CCDC150: variants seen among roughly 807,000 people sequenced by gnomAD.
CCDC150 encodes the protein coiled-coil domain containing 150.
Under a neutral mutation model 156.5 loss-of-function variants are expected in CCDC150, and 151 were observed. The observed-to-expected ratio is 0.97, with a 90% confidence interval of 0.85 to 1.10. The LOEUF (loss-of-function observed/expected upper bound fraction) is 1.10. Among genes scored for constraint, CCDC150 ranks in the 50% least tolerant of loss-of-function variants. The probability of loss-of-function intolerance (pLI) is 0.00; values close to 1 mark genes in which losing one functional copy is unlikely to be tolerated. For missense variants in CCDC150, 1,312 were observed against 1,268.1 expected, an observed-to-expected ratio of 1.03 and a Z score of -0.53; for synonymous variants, 452 against 429.4, an observed-to-expected ratio of 1.05 and a Z score of -0.65.
chr2:196,705,956 C>T (rs1327828811), intron 15 of CCDC150, among the ~76,000 whole-genome samples: 2 of 152,126 alleles, frequency 1.3e-5, no homozygotes, highest in Admixed American at 1.3e-4. Flanking sequence ...TTACTGCAGC[C>T]TTATAGTATA....
At position 196,639,784 on chromosome 2, in the gene CCDC150, G is replaced by A. The variant is rs780514576; in HGVS notation, c.12+6G>A. 6.3e-7 allele frequency: 1 copy of A among 1,578,776 alleles called. No homozygotes were observed. Among genetic ancestry groups the A allele is most frequent in the Non-Finnish European group, 8.6e-7 (1 of 1,158,646 alleles). On this transcript the variant is annotated splice_donor_region_variant and intron_variant, in intron 1 of 27. Coordinates refer to ENST00000389175, the MANE Select transcript of CCDC150 (RefSeq NM_001080539.2). ...GCGGACAGATGGACTGTAAGGTGAG[G>A]CTGCCGGGCCCCGGGCTGGTGAGGG...
intron 5 of CCDC150, among the ~76,000 whole-genome samples, chr2:196,659,837 G>A (rs575437964): frequency 6.6e-6 from 1 of 152,268 alleles, no homozygotes; most frequent in East Asian, 1.9e-4. Context: ...CCATCATTTA[G>A]TGAAATATGT....
intron 15 of CCDC150, among the ~76,000 whole-genome samples, chr2:196,703,554 T>G (rs1371402106): frequency 3.3e-5 from 5 of 152,196 alleles, no homozygotes; most frequent in Non-Finnish European, 5.9e-5. Context: ...CATTACAGGC[T>G]GGGTATATAC....
intron 15 of CCDC150, among the ~76,000 whole-genome samples, chr2:196,702,178 G>T (rs1055149331): frequency 6.6e-6 from 1 of 152,168 alleles, no homozygotes; most frequent in Non-Finnish European, 1.5e-5. Flanking sequence ...GAGTCCAGGA[G>T]TTGGAGGCTA....
At chr2:196,694,156 G>A (rs143454237) in intron 13 of CCDC150, among the ~76,000 whole-genome samples, 1,794 of 149,326 alleles carry the variant, frequency 0.012, 39 homozygotes, top group African/African-American at 0.042. Context: ...TCCCTGGTTC[G>A]AGCAGTTCTC....
chr2:196,691,873 G>A (rs1223034092), intron 13 of CCDC150, among the ~76,000 whole-genome samples: 3 of 152,034 alleles, frequency 2.0e-5, no homozygotes, highest in Non-Finnish European at 2.9e-5. Flanking sequence ...CCTGGGAGTC[G>A]GAGGTTGTAG....
At chr2:196,653,609 T>C (rs1003613030) in intron 2 of CCDC150, among the ~76,000 whole-genome samples, 2 of 152,222 alleles carry the variant, frequency 1.3e-5, no homozygotes, top group African/African-American at 4.8e-5. Context: ...CCTCTGTCTA[T>C]ATTTCTGTCA....
intron 15 of CCDC150, among the ~76,000 whole-genome samples, chr2:196,702,109 G>A (rs1482012668): frequency 3.9e-5 from 6 of 152,086 alleles, no homozygotes; most frequent in South Asian, 2.1e-4. Context: ...GATGGCAAGC[G>A]CCTGTAATCC....
At chr2:196,668,162 G>C (rs1693963366) in intron 7 of CCDC150, among the ~76,000 whole-genome samples, 1 of 152,052 alleles carries the variant, frequency 6.6e-6, no homozygotes, top group Non-Finnish European at 1.5e-5. Context: ...GCCAAGTGTG[G>C]TGGCACGCGC....
intron 15 of CCDC150, among the ~76,000 whole-genome samples, chr2:196,711,475 T>TTG (rs896538720): frequency 2.0e-5 from 3 of 152,156 alleles, no homozygotes; most frequent in African/African-American, 7.2e-5. Context: ...ACGTTAATTG[T>TTG]TGTGTGTGAA....
intron 22 of CCDC150, among the ~76,000 whole-genome samples, chr2:196,728,441 C>T (rs919524937): frequency 6.6e-6 from 1 of 152,170 alleles, no homozygotes; most frequent in African/African-American, 2.4e-5. Context: ...AGAATACCAC[C>T]TTCCTGTCTT....
intron 27 of CCDC150, 134 bp downstream of exon 27, chr2:196,732,286 CAATT>C (rs2125724816): frequency 8.4e-7 from 1 of 1,196,310 alleles, no homozygotes; most frequent in Non-Finnish European, 1.2e-6. Context: ...GCTAGGAAAC[CAATT>C]AATTTCTTTT....
rs374966780 is a variant in CCDC150, at chr2:196,718,622, A to G, written c.1986A>G (p.Glu662=). The change falls in exon 18 of 28, where the codon GAA becomes GAG. Residue 662 remains glutamate (E), a synonymous_variant. Transcript: ENST00000389175. ...ACCTCGAGGCTGTGGAGGACAGGGA[A>G]AACAAGAAGGCAAGGAATCAGTCCC... ...KEDLEAVEDR[E]NKKVGNFQRQ... 9 of 1,613,158 alleles carry G rather than the reference A, an allele frequency of 5.6e-6. No individual in the cohort carries two copies. In the African/African-American group the frequency reaches 1.2e-4, roughly 22 times the overall value.
At chr2:196,692,283 C>T (rs537986743) in intron 13 of CCDC150, among the ~76,000 whole-genome samples, 20 of 150,816 alleles carry the variant, frequency 1.3e-4, no homozygotes, top group Admixed American at 2.6e-4. Context: ...TACAGGCGCC[C>T]GCCACCGCGC....
At chr2:196,693,280 CAT>C (rs1202694135) in intron 13 of CCDC150, among the ~76,000 whole-genome samples, 1 of 152,188 alleles carries the variant, frequency 6.6e-6, no homozygotes, top group Non-Finnish European at 1.5e-5. Flanking sequence ...TTATGCAACA[CAT>C]GTCGGTAAAT....
At chr2:196,654,601 T>A (rs1374969535) in intron 2 of CCDC150, among the ~76,000 whole-genome samples, 1 of 152,206 alleles carries the variant, frequency 6.6e-6, no homozygotes, top group African/African-American at 2.4e-5. Context: ...GGTACTTTTT[T>A]ATACTTTCTT....
chr2:196,716,504 G>A (rs1697511373), intron 17 of CCDC150, among the ~76,000 whole-genome samples: 1 of 152,092 alleles, frequency 6.6e-6, no homozygotes. Flanking sequence ...AAAAAAGAGT[G>A]CATACAATAC....
chr2:196,681,486 T>C (rs1694817364), intron 13 of CCDC150, among the ~76,000 whole-genome samples: 1 of 152,194 alleles, frequency 6.6e-6, no homozygotes, highest in African/African-American at 2.4e-5. Context: ...CTTTGTGATA[T>C]ATATATCTAA....
chr2:196,668,295 TAAAAAAAAAAAAA>T (rs55945331), intron 7 of CCDC150, among the ~76,000 whole-genome samples: 2 of 92,256 alleles, frequency 2.2e-5, no homozygotes, highest in African/African-American at 3.9e-5. Context: ...AAACTCCATC[TAAAAAAAAAAAAA>T]AAAAAAAAAA....
Sources: allele counts gnomAD v4.1 joint callset (sites outside exome capture counted in the v4.1 genomes callset), GRCh38; gene constraint gnomAD v4.1.1; transcripts MANE v1.5; gene names NCBI Gene and HGNC (gene_info 2026-07-23, HGNC 2026-07-21).